HBS1L: variants seen among roughly 807,000 people sequenced by gnomAD.
The protein encoded by HBS1L is HBS1 like translational GTPase.
Under a neutral mutation model 88.9 loss-of-function variants are expected in HBS1L, and 55 were observed. The observed-to-expected ratio is 0.62, with a 90% CI of 0.50 to 0.77. The LOEUF is 0.77. HBS1L is among the 30% of genes least tolerant of loss of function. HBS1L has a pLI of 0.00. For missense variants in HBS1L, 741 were observed against 829.3 expected (o/e 0.89, Z 1.31); for synonymous variants, 267 against 288.5 (o/e 0.93, Z 0.76).
Position 135,039,776 on chromosome 6 carries a change from G to C in HBS1L, c.236-9C>G, listed in dbSNP as rs1055308681. 3.1e-6 allele frequency: 5 copies of C among 1,601,264 alleles called. No individual in the cohort carries two copies. The highest frequency in any genetic ancestry group is 4.3e-6 in the Non-Finnish European group (5 of 1,175,080). On this transcript the variant is annotated splice_polypyrimidine_tract_variant and intron_variant, in intron 3 of 17. Transcript: ENST00000367837. Reference sequence around the variant, plus strand: ...GCATGAATAAAGACGAGCTAGAAAAGACGACAATGGTCAAAAGCTATACTA... The same window carrying C: ...GCATGAATAAAGACGAGCTAGAAAACACGACAATGGTCAAAAGCTATACTA...
chr6:134,969,431 GC>G (rs1774418407), intron 15 of HBS1L, 93 bp from the exon 16 acceptor site: 1 of 768,400 alleles, frequency 1.3e-6, no homozygotes. Flanking sequence ...TCAATTCAGT[GC>G]TACTGCTTGG....
At chr6:135,030,555 C>A (rs1776355526) in intron 4 of HBS1L, among the ~76,000 whole-genome samples, 1 of 152,078 alleles carries the variant, frequency 6.6e-6, no homozygotes, top group African/African-American at 2.4e-5. Context: ...AAAATTAGAT[C>A]TTTAGTTTAG....
chr6:134,967,222 T>C (rs1774342407), intron 16 of HBS1L, among the ~76,000 whole-genome samples: 1 of 152,222 alleles, frequency 6.6e-6, no homozygotes, highest in African/African-American at 2.4e-5. Flanking sequence ...CATTTTGGAA[T>C]TGTTTTCTAA....
intron 4 of HBS1L, among the ~76,000 whole-genome samples, chr6:135,005,057 G>T (rs922647100): frequency 6.6e-6 from 1 of 152,180 alleles, no homozygotes; most frequent in Non-Finnish European, 1.5e-5. Flanking sequence ...ACCAGGATCT[G>T]GGGCTCTGGG....
chr6:135,012,060 T>C (rs1306020603), intron 4 of HBS1L, among the ~76,000 whole-genome samples: 1 of 152,022 alleles, frequency 6.6e-6, no homozygotes, highest in African/African-American at 2.4e-5. Flanking sequence ...ATGTACACCA[T>C]ACTTCTGAGA....
intron 4 of HBS1L, among the ~76,000 whole-genome samples, chr6:135,016,692 T>C (rs1172352954): frequency 2.0e-5 from 3 of 152,372 alleles, no homozygotes; most frequent in Admixed American, 6.5e-5. Flanking sequence ...TCTGTCTATA[T>C]TGTAAAATAT....
At chr6:134,970,195 C>T (rs996606401) in intron 15 of HBS1L, among the ~76,000 whole-genome samples, 8 of 152,136 alleles carry the variant, frequency 5.3e-5, no homozygotes, top group East Asian at 1.9e-4. Context: ...TGCAGTGGTG[C>T]GATCTCAGCT....
chr6:134,978,942 C>A (rs1025938694), intron 14 of HBS1L, among the ~76,000 whole-genome samples, 155 bp from the exon 15 acceptor site: 1 of 152,014 alleles, frequency 6.6e-6, no homozygotes, highest in East Asian at 1.9e-4. Context: ...TGACTTTAAA[C>A]CATTATTAAC....
chr6:134,990,619 C>A (rs903312554), intron 8 of HBS1L, among the ~76,000 whole-genome samples: 2 of 152,194 alleles, frequency 1.3e-5, no homozygotes, highest in Non-Finnish European at 2.9e-5. Context: ...CCTTCCCTCA[C>A]GGCTCACTGC....
At chr6:134,966,918 T>C (rs1000683700) in intron 16 of HBS1L, among the ~76,000 whole-genome samples, 17 of 152,200 alleles carry the variant, frequency 1.1e-4, no homozygotes, top group Admixed American at 7.2e-4. Context: ...CTGTAATTTA[T>C]GGAATGTGTA....
intron 4 of HBS1L, chr6:135,036,454 T>C (rs1776551668): frequency 7.3e-7 from 1 of 1,369,298 alleles, no homozygotes. Flanking sequence ...TACGACAATT[T>C]TCATAAAAAT....
chr6:134,991,953 A>G (rs1775151493), intron 8 of HBS1L, among the ~76,000 whole-genome samples: 2 of 152,160 alleles, frequency 1.3e-5, no homozygotes, highest in African/African-American at 4.8e-5. Flanking sequence ...CTGCAGTCCC[A>G]GCTACTCAGG....
intron 4 of HBS1L, among the ~76,000 whole-genome samples, chr6:135,010,071 A>G (rs1036334054): frequency 1.3e-5 from 2 of 152,330 alleles, no homozygotes; most frequent in Admixed American, 6.5e-5. Context: ...TCATCATTCT[A>G]TAATTCCTTA....
intron 4 of HBS1L, among the ~76,000 whole-genome samples, chr6:135,034,687 T>A (rs534932255): frequency 6.6e-6 from 1 of 152,320 alleles, no homozygotes; most frequent in African/African-American, 2.4e-5. Context: ...CTGTATTATA[T>A]TTTTCCAAGG....
At chr6:135,025,823 C>T (rs770550403) in intron 4 of HBS1L, among the ~76,000 whole-genome samples, 5 of 151,902 alleles carry the variant, frequency 3.3e-5, no homozygotes, top group Admixed American at 6.6e-5. Context: ...CAGCCTCTGA[C>T]AGAAGAGCTT....
chr6:135,032,997 T>C (rs1055117522), intron 4 of HBS1L, among the ~76,000 whole-genome samples: 7 of 152,040 alleles, frequency 4.6e-5, no homozygotes, highest in African/African-American at 1.7e-4. Flanking sequence ...TGGCAATTTA[T>C]TGCAAGAAGA....
At chr6:134,985,295 G>C (rs1056598253) in intron 12 of HBS1L, 46 bp downstream of exon 12, 2 of 1,272,612 alleles carry the variant, frequency 1.6e-6, no homozygotes, top group Non-Finnish European at 1.1e-6. Context: ...GGAGGGAATG[G>C]GGAAAAGGGG....
chr6:135,045,139 C>T (rs1222021307), intron 2 of HBS1L, among the ~76,000 whole-genome samples: 1 of 130,242 alleles, frequency 7.7e-6, no homozygotes, highest in East Asian at 2.7e-4. Context: ...CTTTCCATTA[C>T]TTTCAAAGGG....
At chr6:134,998,724 C>T (rs1310750597) in intron 5 of HBS1L, among the ~76,000 whole-genome samples, 1 of 152,048 alleles carries the variant, frequency 6.6e-6, no homozygotes. Context: ...TTTTATATGC[C>T]CAACATTAGC....
Sources: allele counts gnomAD v4.1 joint callset (sites outside exome capture counted in the v4.1 genomes callset), GRCh38; gene constraint gnomAD v4.1.1; transcripts MANE v1.5; gene names NCBI Gene and HGNC (gene_info 2026-07-23, HGNC 2026-07-21).